Variants in HS3ST4 observed in about 807,000 individuals in gnomAD.
HS3ST4 encodes heparan sulfate glucosamine 3-O-sulfotransferase 4.
Under a neutral mutation model 29.2 loss-of-function variants are expected in HS3ST4, and 17 were observed. That is an observed-to-expected ratio of 0.58 (90% CI 0.40 to 0.87). HS3ST4 has a LOEUF of 0.87. HS3ST4 is among the 40% of genes least tolerant of loss of function. The probability of loss-of-function intolerance (pLI) is 0.00; values close to 1 mark genes in which losing one functional copy is unlikely to be tolerated. For synonymous variants in HS3ST4, 314 were observed against 285.7 expected (o/e 1.10, Z -1.00); for missense variants, 627 against 634.5 (o/e 0.99, Z 0.13).
chr16:26,080,232 G>A (rs1567307694), intron 1 of HS3ST4, among the ~76,000 whole-genome samples: 1 of 152,000 alleles, frequency 6.6e-6, no homozygotes, highest in African/African-American at 2.4e-5. Flanking sequence ...AACACTTTTA[G>A]GAGACATACT....
At chr16:26,032,383 C>A (rs796126008) in intron 1 of HS3ST4, among the ~76,000 whole-genome samples, 2 of 150,730 alleles carry the variant, frequency 1.3e-5, no homozygotes, top group Non-Finnish European at 1.5e-5. Context: ...CCCCTTCCCC[C>A]AAAAACAACA....
At chr16:26,075,261 C>T (rs940396059) in intron 1 of HS3ST4, among the ~76,000 whole-genome samples, 1 of 152,142 alleles carries the variant, frequency 6.6e-6, no homozygotes, top group Non-Finnish European at 1.5e-5. Context: ...TTTCCTGAGT[C>T]TCTCCTGCAA....
intron 1 of HS3ST4, among the ~76,000 whole-genome samples, chr16:25,789,387 T>TTCTC (rs1186956470): frequency 1.3e-5 from 2 of 150,238 alleles, no homozygotes; most frequent in South Asian, 2.1e-4. Context: ...CTTTCTTTCT[T>TTCTC]TCTCTTTCTT....
intron 1 of HS3ST4, among the ~76,000 whole-genome samples, chr16:26,023,112 T>C (rs1004924575): frequency 1.3e-5 from 2 of 152,210 alleles, no homozygotes; most frequent in African/African-American, 4.8e-5. Flanking sequence ...ATTTCTTTTT[T>C]TTCCTTACCT....
In HS3ST4 at chr16:25,923,554, G is replaced by C. The variant is rs145841484; in HGVS notation, c.735-212058G>C. ...GCTTTTTTTGTTTGTTTGTTTTGGG[G>C]GATGACCCTTCATTATACTGTATTT... is the stretch of plus-strand genomic sequence containing the variant. On this transcript the variant is annotated intron_variant, in intron 1 of 1. Coordinates refer to ENST00000331351, the MANE Select transcript of HS3ST4 (RefSeq NM_006040.3). Among the ~76,000 whole-genome samples the C allele has an allele frequency of 9.6e-3, 1,466 of 152,152 alleles. 29 individuals carry two copies. Among genetic ancestry groups the C allele is most frequent in the African/African-American group, 0.033 (1,362 of 41,512 alleles).
chr16:25,884,824 C>T (rs914611230), intron 1 of HS3ST4, among the ~76,000 whole-genome samples: 1 of 152,098 alleles, frequency 6.6e-6, no homozygotes, highest in African/African-American at 2.4e-5. Context: ...CCTGAGCTAC[C>T]AAAACTGCTA....
At chr16:25,959,062 G>A (rs1477287430) in intron 1 of HS3ST4, among the ~76,000 whole-genome samples, 1 of 152,214 alleles carries the variant, frequency 6.6e-6, no homozygotes, top group Non-Finnish European at 1.5e-5. Context: ...GGAGTTGGGA[G>A]TGAATCTCAA....
intron 1 of HS3ST4, among the ~76,000 whole-genome samples, chr16:25,778,520 G>C (rs888158320): frequency 2.6e-5 from 4 of 152,196 alleles, no homozygotes; most frequent in Admixed American, 2.6e-4. Context: ...GGGCAATGGT[G>C]CACATTTGTT....
intron 1 of HS3ST4, among the ~76,000 whole-genome samples, chr16:26,074,985 G>C (rs9921961): frequency 0.018 from 2,749 of 152,262 alleles, 187 homozygotes; most frequent in Admixed American, 0.13. Context: ...ACGAGGTCAA[G>C]AGATCGAGGC....
chr16:25,693,248 C>G, intron 1 of HS3ST4, 97 bp downstream of exon 1: 2 of 1,315,262 alleles, frequency 1.5e-6, no homozygotes, highest in Non-Finnish European at 2.0e-6. Flanking sequence ...CAGGCACCGT[C>G]CCGAGAGGCC....
chr16:25,797,133 G>A (rs191430567), intron 1 of HS3ST4, among the ~76,000 whole-genome samples: 11 of 152,210 alleles, frequency 7.2e-5, no homozygotes, highest in Non-Finnish European at 1.3e-4. Flanking sequence ...GTTGCATGCC[G>A]CGTCCAAAAT....
intron 1 of HS3ST4, among the ~76,000 whole-genome samples, chr16:25,999,896 T>TA (rs1333945746): frequency 7.0e-5 from 9 of 128,320 alleles, no homozygotes; most frequent in African/African-American, 1.8e-4. Context: ...ATATATATAT[T>TA]TTATATATAT....
chr16:25,936,570 G>A (rs1968518697), intron 1 of HS3ST4, among the ~76,000 whole-genome samples: 1 of 152,196 alleles, frequency 6.6e-6, no homozygotes, highest in South Asian at 2.1e-4. Context: ...GATGAATTTA[G>A]CGAGTAATTA....
At chr16:26,081,974 C>A (rs1416186377) in intron 1 of HS3ST4, among the ~76,000 whole-genome samples, 2 of 151,754 alleles carry the variant, frequency 1.3e-5, no homozygotes, top group Non-Finnish European at 2.9e-5. Context: ...TTTGTATTTT[C>A]AGTAGAGACA....
chr16:26,091,700 T>C (rs915639233), intron 1 of HS3ST4, among the ~76,000 whole-genome samples: 1 of 152,212 alleles, frequency 6.6e-6, no homozygotes. Context: ...TCACCATTCA[T>C]CCTGCAATGT....
At chr16:25,984,273 G>A (rs1302187788) in intron 1 of HS3ST4, among the ~76,000 whole-genome samples, 1 of 152,148 alleles carries the variant, frequency 6.6e-6, no homozygotes, top group Non-Finnish European at 1.5e-5. Context: ...CCAGGGATGG[G>A]GGACGGTTTC....
intron 1 of HS3ST4, among the ~76,000 whole-genome samples, chr16:25,987,233 C>T (rs990577386): frequency 2.0e-5 from 3 of 152,068 alleles, no homozygotes; most frequent in African/African-American, 7.2e-5. Context: ...GCCTGTAATC[C>T]CAGCTACTTG....
At chr16:25,781,826 C>T (rs537662514) in intron 1 of HS3ST4, among the ~76,000 whole-genome samples, 12 of 152,266 alleles carry the variant, frequency 7.9e-5, no homozygotes, top group Admixed American at 1.3e-4. Flanking sequence ...TCTTCTCTTT[C>T]GGGTGGTTGT....
Position 25,692,537 on chromosome 16 carries a change from C to T in HS3ST4, c.120C>T (p.Thr40=), listed in dbSNP as rs1295205995. The change falls in exon 1 of 2, where the codon ACC becomes ACT. Residue 40 remains threonine, a synonymous_variant. Coordinates refer to ENST00000331351, the MANE Select transcript of HS3ST4 (RefSeq NM_006040.3). ...CGCGCAAGCTGCTTTTTATGTGCAC[C>T]TTGTCCCTGTCTGTCACCTACCTGT... ...PPARKLLFMC[T]LSLSVTYLCY... 2 of 1,452,730 alleles carry T rather than the reference C, an allele frequency of 1.4e-6. No individual in the cohort carries two copies. The highest frequency in any genetic ancestry group is 1.5e-5 in the African/African-American group (1 of 67,540). The allele number at this position is 1,452,730 out of a possible 1,614,324, so 90.0% of individuals were successfully genotyped here.
Sources: allele counts gnomAD v4.1 joint callset (sites outside exome capture counted in the v4.1 genomes callset), GRCh38; gene constraint gnomAD v4.1.1; transcripts MANE v1.5; gene names NCBI Gene and HGNC (gene_info 2026-07-23, HGNC 2026-07-21).